METTL9: variants seen among roughly 807,000 people sequenced by gnomAD.
The protein encoded by METTL9 is methyltransferase 9, His-X-His N1(pi)-histidine.
Under a neutral mutation model 36.0 loss-of-function variants are expected in METTL9, and 10 were observed. The observed-to-expected ratio is 0.28, with a 90% CI of 0.17 to 0.47. The LOEUF (loss-of-function observed/expected upper bound fraction) is 0.47, where lower values mean the gene tolerates loss of function less well. Among genes scored for constraint, METTL9 ranks in the 20% least tolerant of loss-of-function variants. The probability of loss-of-function intolerance (pLI) is 0.99; values close to 1 mark genes in which losing one functional copy is unlikely to be tolerated. For missense variants in METTL9, 246 were observed against 383.5 expected, an observed-to-expected ratio of 0.64 and a Z score of 3.00; for synonymous variants, 175 against 149.7, an observed-to-expected ratio of 1.17 and a Z score of -1.23.
At chr16:21,641,532 T>C in intron 4 of METTL9, 1 of 1,574,512 alleles carries the variant, frequency 6.4e-7, no homozygotes, top group Non-Finnish European at 8.7e-7. Flanking sequence ...ATTAAAACGT[T>C]TCTATGGCCT....
At position 21,639,925 on chromosome 16, in the gene METTL9, TTTTATTTATTTA is replaced by T. The variant is rs113376697; in HGVS notation, c.751+14830_751+14841del. ...ATACCAGTTTAAAAGAAACACTTTA[TTTTATTTATTTA>T]TTTATTTATTTATTTATTTTTGAGA... On this transcript the variant is annotated intron_variant, in intron 4 of 4. Transcript: ENST00000358154. 16 of 151,252 alleles carry T rather than the reference TTTTATTTATTTA, an allele frequency of 1.1e-4. No homozygotes were observed. The East Asian group carries it at 1.8e-3, about 17-fold the overall frequency. The allele number at this position is 151,252 out of a possible 1,614,324, so 9.4% of individuals were successfully genotyped here.
At chr16:21,649,830 T>C (rs1425907808) in intron 4 of METTL9, among the ~76,000 whole-genome samples, 1 of 152,152 alleles carries the variant, frequency 6.6e-6, no homozygotes, top group Non-Finnish European at 1.5e-5. Flanking sequence ...CACTGCAGCC[T>C]CTGGAGTAGC....
At chr16:21,597,762 A>G (rs1173398614), upstream of METTL9, among the ~76,000 whole-genome samples, 1 of 152,118 alleles carries the variant, frequency 6.6e-6, no homozygotes, top group East Asian at 1.9e-4. Flanking sequence ...CACTGATCCT[A>G]AGAGACAGGA....
intron 4 of METTL9, among the ~76,000 whole-genome samples, chr16:21,648,148 G>A (rs966606227): frequency 2.0e-5 from 3 of 152,148 alleles, no homozygotes; most frequent in Non-Finnish European, 2.9e-5. Flanking sequence ...ATATGAGCTC[G>A]CCAGGCCATA....
chr16:21,609,957 G>T (rs910843857), intron 1 of METTL9, among the ~76,000 whole-genome samples: 1 of 151,072 alleles, frequency 6.6e-6, no homozygotes, highest in Non-Finnish European at 1.5e-5. Flanking sequence ...TTAGGGAGGG[G>T]TGTGTGTGTG....
Position 21,656,146 on chromosome 16 carries a change from GCCTCAT to G in METTL9, c.*715_*720del, listed in dbSNP as rs1966703625. 6.6e-6 allele frequency: 1 copy of G among 151,236 alleles called. No homozygotes were observed. 9.4% of individuals were successfully genotyped at this position (151,236 alleles called of 1,614,324 possible). Reference sequence around the variant, plus strand: ...AAAAAAAAACAGAAACAAAAACCCAGCCTCATTCAGATACAGAACTTCAGGGACCCC... The same window carrying G: ...AAAAAAAAACAGAAACAAAAACCCAGTCAGATACAGAACTTCAGGGACCCC... On this transcript the variant is annotated 3_prime_UTR_variant, in exon 5 of 5. Transcript: ENST00000358154.
In METTL9 at chr16:21,611,266, G is replaced by A. The variant is rs141269020; in HGVS notation, c.166-1379G>A. Among the ~76,000 whole-genome samples the A allele has an allele frequency of 1.4e-3, 213 of 152,276 alleles. 1 individual carries two copies. The highest frequency in any genetic ancestry group is 2.6e-3 in the Non-Finnish European group (174 of 68,014). On this transcript the variant is annotated intron_variant, in intron 1 of 4. Coordinates refer to ENST00000358154, the MANE Select transcript of METTL9 (RefSeq NM_016025.5). ...TCTCTGAAATTTAACGTGCCTGTTT[G>A]TTTGTGTTGATTTGTAACTAGTTCC...
chr16:21,635,048 A>T (rs1016715218), intron 4 of METTL9, among the ~76,000 whole-genome samples: 7 of 151,522 alleles, frequency 4.6e-5, no homozygotes, highest in Non-Finnish European at 8.8e-5. Flanking sequence ...GTATCTCCAA[A>T]CTCTCGGGCT....
chr16:21,635,125 C>T, intron 4 of METTL9, among the ~76,000 whole-genome samples: 1 of 152,144 alleles, frequency 6.6e-6, no homozygotes, highest in South Asian at 2.1e-4. Flanking sequence ...GACATCTCTC[C>T]AAGCGAGGTT....
intron 4 of METTL9, among the ~76,000 whole-genome samples, chr16:21,636,590 G>A (rs1411837374): frequency 6.6e-6 from 1 of 152,142 alleles, no homozygotes; most frequent in Non-Finnish European, 1.5e-5. Context: ...ATGGCCGCAG[G>A]GTCAACCAAC....
In METTL9 at chr16:21,627,295, TG is replaced by T. The variant is rs1383347352; in HGVS notation, c.751+2181del. The T allele has an allele frequency of 4.1e-6, 4 of 985,194 alleles. No homozygotes were observed. The African/African-American group carries it at 7.0e-5, about 17-fold the overall frequency. 61.0% of individuals were successfully genotyped at this position (985,194 alleles called of 1,614,324 possible). A position where few individuals can be genotyped will look rare whatever the true frequency, so the allele number is the denominator to read the frequency against. ...TGTGCTTTGCATACTTGGCTTAATT[TG>T]TTTTTTTTTAACTAAAAGTAGTTGT... On this transcript the variant is annotated intron_variant, in intron 4 of 4. Coordinates refer to ENST00000358154, the MANE Select transcript of METTL9 (RefSeq NM_016025.5).
chr16:21,617,707 T>G (rs1204223926), intron 2 of METTL9, among the ~76,000 whole-genome samples, 158 bp from the exon 3 acceptor site: 2 of 151,726 alleles, frequency 1.3e-5, no homozygotes, highest in Non-Finnish European at 2.9e-5. Flanking sequence ...CCAGCCTGAG[T>G]GACAGAGTGA....
At chr16:21,644,002 A>G (rs1051806911) in intron 4 of METTL9, among the ~76,000 whole-genome samples, 5 of 152,128 alleles carry the variant, frequency 3.3e-5, no homozygotes, top group Non-Finnish European at 7.4e-5. Context: ...CCTCACCCCT[A>G]CAGCAGAAAG....
At chr16:21,604,861 T>A (rs1371433495) in intron 1 of METTL9, among the ~76,000 whole-genome samples, 1 of 152,206 alleles carries the variant, frequency 6.6e-6, no homozygotes, top group Non-Finnish European at 1.5e-5. Flanking sequence ...ATTACCCATT[T>A]CTTTTGAGAA....
rs11641453 is a variant in METTL9 at position 21,637,432 on chromosome 16, G to A, written c.751+12317G>A. ...CTAGACACAGAGCACTGATTGGTGC[G>A]TTTACAAACCTTTAAGTAGACACAG... is the stretch of plus-strand genomic sequence containing the variant. On this transcript the variant is annotated intron_variant, in intron 4 of 4. Transcript: ENST00000358154. Among the ~76,000 whole-genome samples, 1,271 of 152,304 alleles carry A rather than the reference G, an allele frequency of 8.3e-3. 7 individuals carry two copies. Among genetic ancestry groups the A allele is most frequent in the Non-Finnish European group, 0.012 (834 of 68,026 alleles).
At chr16:21,627,885 G>A (rs1283524548) in intron 4 of METTL9, among the ~76,000 whole-genome samples, 6 of 152,114 alleles carry the variant, frequency 3.9e-5, no homozygotes, top group East Asian at 3.8e-4. Context: ...CCCAGGAGGC[G>A]GAGCTTGCCG....
chr16:21,601,549 A>G (rs1965126849), intron 1 of METTL9, among the ~76,000 whole-genome samples: 1 of 152,122 alleles, frequency 6.6e-6, no homozygotes, highest in South Asian at 2.1e-4. Context: ...TTAAAATTGA[A>G]ACACTATTTC....
At chr16:21,649,544 G>A (rs968269627) in intron 4 of METTL9, among the ~76,000 whole-genome samples, 2 of 152,170 alleles carry the variant, frequency 1.3e-5, no homozygotes, top group African/African-American at 4.8e-5. Context: ...TACAAGTACA[G>A]TGAAACATTT....
intron 3 of METTL9, among the ~76,000 whole-genome samples, chr16:21,624,178 A>G (rs532678783): frequency 1.2e-4 from 19 of 152,338 alleles, no homozygotes; most frequent in Non-Finnish European, 2.4e-4. Flanking sequence ...ATTATTTTAT[A>G]CCACTCCCAG....
Sources: allele counts gnomAD v4.1 joint callset (sites outside exome capture counted in the v4.1 genomes callset), GRCh38; gene constraint gnomAD v4.1.1; transcripts MANE v1.5; gene names NCBI Gene and HGNC (gene_info 2026-07-23, HGNC 2026-07-21).